DISC1: variants seen among roughly 807,000 people sequenced by gnomAD.
DISC1 encodes the protein disrupted in schizophrenia 1 protein.
Under a neutral mutation model 84.5 loss-of-function variants are expected in DISC1, and 57 were observed. The observed-to-expected ratio is 0.67, with a 90% confidence interval of 0.55 to 0.84. DISC1 has a LOEUF of 0.84. DISC1 is among the 40% of genes least tolerant of loss of function. The pLI is 0.00. For missense variants in DISC1, 1,000 were observed against 1,057.8 expected (o/e 0.95, Z 0.76); for synonymous variants, 411 against 415.2 (o/e 0.99, Z 0.12).
rs944154606 is a variant in DISC1 at position 231,836,392 on chromosome 1, T to C, written c.1981+17875T>C. ...AAAGGTCGTCCCTGTCCTGGAAGGA[T>C]GCCAGATAGGATGACCTTTGAAACT... On this transcript the variant is annotated intron_variant, in intron 9 of 12. Coordinates refer to ENST00000439617, the MANE Select transcript of DISC1 (RefSeq NM_018662.3). 7.9e-5 allele frequency among the ~76,000 whole-genome samples: 12 copies of C among 152,262 alleles called. No homozygotes were observed. The East Asian group carries it at 2.1e-3, about 27-fold the overall frequency.
At chr1:231,775,286 T>C (rs905337850) in intron 6 of DISC1, among the ~76,000 whole-genome samples, 1 of 152,214 alleles carries the variant, frequency 6.6e-6, no homozygotes, top group African/African-American at 2.4e-5. Context: ...AACTTCCTAA[T>C]AGCATGTGAC....
chr1:231,650,195 T>A (rs2060496134), intron 1 of DISC1, among the ~76,000 whole-genome samples: 1 of 152,244 alleles, frequency 6.6e-6, no homozygotes, highest in African/African-American at 2.4e-5. Flanking sequence ...TTGCAGTGGC[T>A]GGTACCCGTT....
intron 5 of DISC1, among the ~76,000 whole-genome samples, chr1:231,769,250 A>AC (rs199556465): frequency 2.4e-4 from 37 of 151,966 alleles, no homozygotes; most frequent in East Asian, 3.9e-4. Flanking sequence ...TGGTCCAGCC[A>AC]CCCCCCCTTC....
chr1:231,764,029 G>A (rs2075980982), intron 4 of DISC1, among the ~76,000 whole-genome samples: 1 of 152,166 alleles, frequency 6.6e-6, no homozygotes, highest in Non-Finnish European at 1.5e-5. Context: ...ATATAAATAA[G>A]AACATGCAGC....
chr1:231,837,963 G>A (rs1425779498), intron 9 of DISC1, among the ~76,000 whole-genome samples: 4 of 151,934 alleles, frequency 2.6e-5, no homozygotes, highest in South Asian at 4.1e-4. Flanking sequence ...TTCTTTAAGA[G>A]GCATTTTTTC....
intron 1 of DISC1, among the ~76,000 whole-genome samples, chr1:231,678,204 T>TAA (rs1403833466): frequency 6.6e-6 from 1 of 152,248 alleles, no homozygotes; most frequent in Non-Finnish European, 1.5e-5. Flanking sequence ...CATACATTGG[T>TAA]CTCGTCTGAA....
intron 1 of DISC1, among the ~76,000 whole-genome samples, chr1:231,686,792 T>C (rs2064334931): frequency 6.6e-6 from 1 of 152,184 alleles, no homozygotes; most frequent in African/African-American, 2.4e-5. Context: ...ACTTTTATGT[T>C]CTGCTTCCCT....
intron 10 of DISC1, among the ~76,000 whole-genome samples, chr1:231,972,739 A>G (rs1662180954): frequency 6.6e-6 from 1 of 152,242 alleles, no homozygotes; most frequent in Non-Finnish European, 1.5e-5. Flanking sequence ...AGAGGCAGAT[A>G]AAGAAAATGG....
intron 9 of DISC1, among the ~76,000 whole-genome samples, chr1:231,832,955 G>A (rs568355779): frequency 3.0e-5 from 3 of 100,574 alleles, no homozygotes; most frequent in South Asian, 3.3e-4. Context: ...TGGGATATTG[G>A]CATTGAGCAG....
chr1:231,694,806 G>A lies in DISC1; in HGVS notation c.1047+1G>A. Reference sequence around the variant, plus strand: ...GCTGAGAAACCGGAGGCAGATGGAGGTCAGTGTCTCTTCCACCTCTGTGGC... The same window carrying A: ...GCTGAGAAACCGGAGGCAGATGGAGATCAGTGTCTCTTCCACCTCTGTGGC... On this transcript the variant is annotated splice_donor_variant, in intron 2 of 12. Coordinates refer to ENST00000439617, the MANE Select transcript of DISC1 (RefSeq NM_018662.3). LOFTEE classifies it high-confidence loss of function. 1 of 1,613,354 alleles carries A rather than the reference G, an allele frequency of 6.2e-7. No individual in the cohort carries two copies. The highest frequency in any genetic ancestry group is 1.3e-5 in the African/African-American group (1 of 75,064).
chr1:231,939,760 T>G (rs1405763139), intron 9 of DISC1, among the ~76,000 whole-genome samples: 1 of 150,902 alleles, frequency 6.6e-6, no homozygotes, highest in Admixed American at 6.6e-5. Flanking sequence ...TTTTTTTTTT[T>G]GAGATGGAGT....
intron 9 of DISC1, among the ~76,000 whole-genome samples, chr1:231,931,169 G>A (rs560802270): frequency 1.3e-5 from 2 of 152,216 alleles, no homozygotes; most frequent in East Asian, 1.9e-4. Flanking sequence ...TGACCAGAGG[G>A]GAGCAGGACC....
At chr1:231,953,952 A>G (rs191446913) in intron 9 of DISC1, among the ~76,000 whole-genome samples, 5 of 152,242 alleles carry the variant, frequency 3.3e-5, no homozygotes, top group Non-Finnish European at 7.4e-5. Context: ...TTCCCATGCT[A>G]TTTTCATGTC....
chr1:231,839,308 T>C (rs538049136), intron 9 of DISC1, among the ~76,000 whole-genome samples: 1 of 152,284 alleles, frequency 6.6e-6, no homozygotes, highest in South Asian at 2.1e-4. Flanking sequence ...CCACGTAAAG[T>C]AGAAATACTA....
At chr1:231,684,095 G>A (rs1252603851) in intron 1 of DISC1, among the ~76,000 whole-genome samples, 1 of 152,004 alleles carries the variant, frequency 6.6e-6, no homozygotes, top group Non-Finnish European at 1.5e-5. Flanking sequence ...AGGGAGCCAT[G>A]AGCTCCATTG....
intron 9 of DISC1, among the ~76,000 whole-genome samples, chr1:231,920,905 A>ATTTTT (rs34325068): frequency 8.9e-6 from 1 of 112,938 alleles, no homozygotes; most frequent in Non-Finnish European, 1.8e-5. Context: ...CTGAACTGCT[A>ATTTTT]TTTTTTTTTT....
chr1:231,804,507 G>C (rs770411206), intron 8 of DISC1, among the ~76,000 whole-genome samples: 17 of 148,822 alleles, frequency 1.1e-4, no homozygotes, highest in Non-Finnish European at 2.4e-4. Context: ...ACCCAGGCTG[G>C]AGTGCAGAGG....
intron 9 of DISC1, among the ~76,000 whole-genome samples, chr1:231,950,936 G>T (rs1239104877): frequency 1.3e-5 from 2 of 152,284 alleles, no homozygotes; most frequent in African/African-American, 4.8e-5. Flanking sequence ...TGTGCTCCAG[G>T]GTTCAAGGGC....
chr1:231,643,155 G>A (rs1019567557), intron 1 of DISC1, among the ~76,000 whole-genome samples: 12 of 152,152 alleles, frequency 7.9e-5, no homozygotes, highest in Non-Finnish European at 4.4e-5. Context: ...GTGAGTGTGG[G>A]AGTCAAAGGC....
Sources: allele counts gnomAD v4.1 joint callset (sites outside exome capture counted in the v4.1 genomes callset), GRCh38; gene constraint gnomAD v4.1.1; transcripts MANE v1.5; gene names NCBI Gene and HGNC (gene_info 2026-07-23, HGNC 2026-07-21).